CDH10: variants seen among roughly 807,000 people sequenced by gnomAD.
The protein encoded by CDH10 is cadherin 10.
CDH10 carries 30 observed loss-of-function variants against 73.1 expected under a neutral mutation model. That is an observed-to-expected ratio of 0.41 (90% CI 0.31 to 0.56). CDH10 has a LOEUF of 0.56. Among genes scored for constraint, CDH10 ranks in the 20% least tolerant of loss-of-function variants. The pLI, the probability that CDH10 is intolerant of heterozygous loss-of-function variation, is 0.27. For missense variants in CDH10, 815 were observed against 973.7 expected, an observed-to-expected ratio of 0.84 and a Z score of 2.17; for synonymous variants, 345 against 348.2, an observed-to-expected ratio of 0.99 and a Z score of 0.10.
In CDH10 at chr5:24,580,775, T is replaced by C. The variant is rs558865608; in HGVS notation, c.231+12485A>G. Among the ~76,000 whole-genome samples, 3 of 152,264 alleles carry C rather than the reference T, an allele frequency of 2.0e-5. No individual in the cohort carries two copies. The East Asian group carries it at 5.8e-4, about 29-fold the overall frequency. On this transcript the variant is annotated intron_variant, in intron 2 of 11. Coordinates refer to ENST00000264463, the MANE Select transcript of CDH10 (RefSeq NM_006727.5). ...TGTCAGAAGTCTAAAACCAAGGAGA[T>C]GATAGGGTTGCATTCCTTCTGGAAG...
chr5:24,548,004 T>G (rs1051157153), intron 2 of CDH10, among the ~76,000 whole-genome samples: 1 of 152,098 alleles, frequency 6.6e-6, no homozygotes, highest in South Asian at 2.1e-4. Flanking sequence ...ATTGTCAGGG[T>G]TGGCAAGTCC....
At chr5:24,634,218 T>G (rs1459802986) in intron 1 of CDH10, among the ~76,000 whole-genome samples, 1 of 151,884 alleles carries the variant, frequency 6.6e-6, no homozygotes, top group Admixed American at 6.6e-5. Context: ...GCTTTAAAAA[T>G]TAATTTCTCC....
intron 1 of CDH10, among the ~76,000 whole-genome samples, chr5:24,606,526 G>A (rs985676537): frequency 2.6e-5 from 4 of 151,946 alleles, no homozygotes; most frequent in East Asian, 3.9e-4. Context: ...CAGGAGAATC[G>A]CTTCAACCTG....
intron 8 of CDH10, among the ~76,000 whole-genome samples, chr5:24,501,325 G>A (rs2111703139): frequency 6.6e-6 from 1 of 152,238 alleles, no homozygotes; most frequent in African/African-American, 2.4e-5. Context: ...AAAATCAAAA[G>A]CTAAATCCAC....
intron 2 of CDH10, among the ~76,000 whole-genome samples, chr5:24,543,722 T>G (rs1484553753): frequency 6.6e-6 from 1 of 151,822 alleles, no homozygotes. Context: ...AAAACACAGG[T>G]GAAAAATTGT....
At chr5:24,547,482 C>T (rs1449465831) in intron 2 of CDH10, among the ~76,000 whole-genome samples, 1 of 151,870 alleles carries the variant, frequency 6.6e-6, no homozygotes, top group Non-Finnish European at 1.5e-5. Context: ...GGAAAGGGCA[C>T]TTCTAGGAGA....
intron 7 of CDH10, among the ~76,000 whole-genome samples, chr5:24,507,692 A>T (rs931519024): frequency 1.3e-5 from 2 of 152,102 alleles, no homozygotes; most frequent in Admixed American, 1.3e-4. Context: ...AATCTCTACC[A>T]AGAAAATGCT....
chr5:24,567,725 G>A (rs1745215737), intron 2 of CDH10, among the ~76,000 whole-genome samples: 1 of 151,962 alleles, frequency 6.6e-6, no homozygotes, highest in South Asian at 2.1e-4. Context: ...AAATGTATAT[G>A]TATTTGTCAA....
At chr5:24,564,385 C>A (rs1051750918) in intron 2 of CDH10, among the ~76,000 whole-genome samples, 19 of 152,144 alleles carry the variant, frequency 1.2e-4, no homozygotes, top group Admixed American at 1.0e-3. Context: ...CTTACAGGGT[C>A]TACATGGTGT....
At chr5:24,488,727 TAGTTAG>T (rs1402977987) in intron 11 of CDH10, among the ~76,000 whole-genome samples, 1 of 152,060 alleles carries the variant, frequency 6.6e-6, no homozygotes, top group East Asian at 1.9e-4. Context: ...AAAAACAGAT[TAGTTAG>T]AGTTAGATGA....
intron 5 of CDH10, among the ~76,000 whole-genome samples, chr5:24,528,887 T>A (rs1383313817): frequency 2.6e-5 from 4 of 152,018 alleles, no homozygotes; most frequent in Non-Finnish European, 4.4e-5. Context: ...GCTTCTTATT[T>A]ATTTCATGAA....
At chr5:24,567,822 C>T (rs1222647705) in intron 2 of CDH10, among the ~76,000 whole-genome samples, 1 of 152,020 alleles carries the variant, frequency 6.6e-6, no homozygotes, top group Non-Finnish European at 1.5e-5. Flanking sequence ...CTCATAAGGA[C>T]ATTTAGAGAG....
rs539914414 is a variant in CDH10, at chr5:24,608,108, T to C, written c.-123-14495A>G. ...ATATTTTTAAACAGTAGTATAGCCA[T>C]GTTCTTATATTAAAAAAAGATTGCC... On this transcript the variant is annotated intron_variant, in intron 1 of 11. Transcript: ENST00000264463. Among the ~76,000 whole-genome samples, 11 of 152,264 alleles carry C rather than the reference T, an allele frequency of 7.2e-5. No individual in the cohort carries two copies. The South Asian group carries it at 2.3e-3, about 32-fold the overall frequency.
intron 2 of CDH10, among the ~76,000 whole-genome samples, chr5:24,554,473 CGTGTGTGTGTGTGTGTGTGT>C (rs70965612): frequency 6.0e-5 from 9 of 149,326 alleles, no homozygotes; most frequent in African/African-American, 1.7e-4. Context: ...TCTCCCTATT[CGTGTGTGTGTGTGTGTGTGT>C]GTGTGTGTGT....
At position 24,488,114 on chromosome 5, in the gene CDH10, T is replaced by G; in HGVS notation, c.1916A>C (p.Lys639Thr). 1.1e-5 allele frequency: 17 copies of G among 1,612,510 alleles called. No homozygotes were observed. The highest frequency in any genetic ancestry group is 1.4e-5 in the Non-Finnish European group (17 of 1,179,404). ...TTTTGACAAGATCAGAGGCTCTTTT[T>G]TTCGCTGTCTTTTCAGAGCTGCAAA... ...VLFAALKRQR[K>T]KEPLILSKED... The change falls in exon 12 of 12, where the codon AAA becomes ACA. Residue 639 changes from lysine to threonine, a missense_variant. Physicochemically the swap from Lys to Thr is moderately conservative, Grantham distance 78. This residue lies in a region of CDH10 where 241 missense variants were observed against 240.3 expected (regional missense o/e 1.00). Coordinates refer to ENST00000264463, the MANE Select transcript of CDH10 (RefSeq NM_006727.5).
intron 11 of CDH10, among the ~76,000 whole-genome samples, chr5:24,490,109 A>G (rs1218260165): frequency 6.6e-6 from 1 of 152,176 alleles, no homozygotes; most frequent in Non-Finnish European, 1.5e-5. Flanking sequence ...AACACGTACT[A>G]AAAACTTACT....
In CDH10 at chr5:24,495,484, T is replaced by C. The variant is rs1742238027; in HGVS notation, c.1516-2559A>G. Among the ~76,000 whole-genome samples, 3 of 152,186 alleles carry C rather than the reference T, an allele frequency of 2.0e-5. No homozygotes were observed. The South Asian group carries it at 6.2e-4, about 31-fold the overall frequency. ...AGTTAGAAAACTGGTTAAGTTTTCATATGTTTTAGCTTTTTCTATGGGAAG... is the reference window on the plus strand; with the variant it reads ...AGTTAGAAAACTGGTTAAGTTTTCACATGTTTTAGCTTTTTCTATGGGAAG... On this transcript the variant is annotated intron_variant, in intron 9 of 11. Coordinates refer to ENST00000264463, the MANE Select transcript of CDH10 (RefSeq NM_006727.5).
intron 5 of CDH10, among the ~76,000 whole-genome samples, chr5:24,517,019 T>C (rs1405167663): frequency 5.3e-5 from 8 of 152,248 alleles, no homozygotes; most frequent in South Asian, 2.1e-4. Flanking sequence ...CAGCAAGTTA[T>C]TGTTAACATG....
At chr5:24,504,143 CA>C (rs1561127456) in intron 8 of CDH10, among the ~76,000 whole-genome samples, 3 of 151,914 alleles carry the variant, frequency 2.0e-5, no homozygotes, top group East Asian at 1.9e-4. Context: ...TAAAGGTACT[CA>C]AAAAAATCCC....
Sources: allele counts gnomAD v4.1 joint callset (sites outside exome capture counted in the v4.1 genomes callset), GRCh38; gene constraint gnomAD v4.1.1; regional missense constraint gnomAD v4.1.1; transcripts MANE v1.5; gene names NCBI Gene and HGNC (gene_info 2026-07-23, HGNC 2026-07-21).